GPHN: variants seen among roughly 807,000 people sequenced by gnomAD.
GPHN encodes gephyrin.
In GPHN, 17 loss-of-function variants were observed where a neutral mutation model predicts 95.5. That is an observed-to-expected ratio of 0.18 (90% confidence interval 0.12 to 0.27). GPHN has a LOEUF of 0.27. GPHN is among the 10% of genes least tolerant of loss of function. The pLI is 1.00. For synonymous variants in GPHN, 320 were observed against 322.5 expected (o/e 0.99, Z 0.08); for missense variants, 660 against 978.1 (o/e 0.67, Z 4.34).
chr14:66,938,829 T>C (rs889243479), intron 8 of GPHN, among the ~76,000 whole-genome samples: 2 of 152,198 alleles, frequency 1.3e-5, no homozygotes, highest in Admixed American at 6.5e-5. Context: ...TTAAAATTCT[T>C]TCCACTGGGG....
At chr14:66,590,417 TAAA>T (rs2061590880) in intron 1 of GPHN, among the ~76,000 whole-genome samples, 2 of 151,794 alleles carry the variant, frequency 1.3e-5, no homozygotes, top group African/African-American at 4.8e-5. Context: ...GCCAGACTAA[TAAA>T]GAAGAAAAGA....
the GPHN span, among the ~76,000 whole-genome samples, chr14:67,266,143 C>T: frequency 3.9e-5 from 6 of 151,950 alleles, no homozygotes; most frequent in African/African-American, 9.6e-5. Flanking sequence ...TTGAGTTAAA[C>T]GAGTTCAGTT....
intron 21 of GPHN, 100 bp from the exon 22 acceptor site, chr14:67,179,478 C>G (rs1362524401): frequency 2.7e-6 from 2 of 740,984 alleles, no homozygotes; most frequent in Non-Finnish European, 5.0e-6. Context: ...CAAGGTTAGT[C>G]TCCATGTCCA....
At chr14:67,612,689 C>G in the GPHN span, among the ~76,000 whole-genome samples, 2 of 152,186 alleles carry the variant, frequency 1.3e-5, no homozygotes, top group Non-Finnish European at 2.9e-5. Flanking sequence ...GTAATCCCAG[C>G]ACTTTGGGAG....
chr14:66,840,673 T>C (rs2062037160), intron 4 of GPHN, among the ~76,000 whole-genome samples: 1 of 151,522 alleles, frequency 6.6e-6, no homozygotes, highest in Non-Finnish European at 1.5e-5. Context: ...AATATTATTC[T>C]TCTTTTGATT....
the GPHN span, chr14:67,352,885 T>C: frequency 0.11 from 155,991 of 1,421,266 alleles, 17,278 homozygotes; most frequent in East Asian, 0.47. Flanking sequence ...GCTGGATTTT[T>C]CTAAAATAAA....
chr14:66,646,435 T>C (rs2064747450), intron 1 of GPHN, among the ~76,000 whole-genome samples: 1 of 152,168 alleles, frequency 6.6e-6, no homozygotes, highest in Admixed American at 6.5e-5. Context: ...AAGTTAAAAA[T>C]AGAATTATGA....
At chr14:67,172,775 T>G (rs2140106638) in intron 21 of GPHN, among the ~76,000 whole-genome samples, 1 of 152,230 alleles carries the variant, frequency 6.6e-6, no homozygotes, top group Non-Finnish European at 1.5e-5. Flanking sequence ...AGGGCCCAAA[T>G]GACAGCAGTG....
the GPHN span, chr14:67,346,017 C>G: frequency 3.2e-6 from 2 of 622,198 alleles, no homozygotes; most frequent in Non-Finnish European, 5.7e-6. Context: ...AAGTGCCTAT[C>G]TCACTCCCCA....
In GPHN at chr14:66,607,185, A is replaced by C. The variant is rs527614602; in HGVS notation, c.65-73922A>C. On this transcript the variant is annotated intron_variant, in intron 1 of 22. Transcript: ENST00000478722. ...TGTTGAGGGTTTTTATCATAAAGAG[A>C]TGTTGGATTTTGTAGAAAGCTTTTT... Among the ~76,000 whole-genome samples the C allele has an allele frequency of 2.0e-5, 3 of 152,002 alleles. No individual in the cohort carries two copies. The East Asian group carries it at 5.8e-4, about 29-fold the overall frequency.
the GPHN span, chr14:67,381,745 A>C: frequency 8.3e-7 from 1 of 1,210,050 alleles, no homozygotes; most frequent in Non-Finnish European, 1.2e-6. Flanking sequence ...ACCAAATAGG[A>C]TCTTTGATCT....
chr14:67,108,164 G>A (rs1309384677), intron 13 of GPHN, among the ~76,000 whole-genome samples: 2 of 152,176 alleles, frequency 1.3e-5, no homozygotes, highest in East Asian at 3.8e-4. Flanking sequence ...AAGGAGCAAA[G>A]AAAGACAATG....
the GPHN span, chr14:67,586,114 T>G: frequency 6.2e-7 from 1 of 1,613,264 alleles, no homozygotes; most frequent in Non-Finnish European, 8.5e-7. Flanking sequence ...CTGACAGCTG[T>G]TAAAACGTTC....
intron 4 of GPHN, among the ~76,000 whole-genome samples, chr14:66,831,997 A>T (rs2061598886): frequency 6.6e-6 from 1 of 152,226 alleles, no homozygotes; most frequent in South Asian, 2.1e-4. Context: ...ATACAAAAAA[A>T]TTAGCCAGGC....
intron 4 of GPHN, among the ~76,000 whole-genome samples, chr14:66,875,902 C>T (rs1303205097): frequency 6.6e-6 from 1 of 152,092 alleles, no homozygotes; most frequent in Non-Finnish European, 1.5e-5. Context: ...ACCAAGCAGA[C>T]CTAATAGACA....
intron 9 of GPHN, among the ~76,000 whole-genome samples, chr14:67,018,060 T>G (rs913720524): frequency 6.6e-6 from 1 of 152,122 alleles, no homozygotes; most frequent in Non-Finnish European, 1.5e-5. Flanking sequence ...TCTAAGAACC[T>G]GCAGTCTACT....
chr14:67,014,893 A>G (rs570006887), intron 9 of GPHN, among the ~76,000 whole-genome samples: 40 of 152,322 alleles, frequency 2.6e-4, no homozygotes, highest in African/African-American at 8.9e-4. Flanking sequence ...TGTTGGTACC[A>G]AGAGGAGACC....
intron 9 of GPHN, among the ~76,000 whole-genome samples, chr14:67,017,398 T>G (rs1037169148): frequency 6.6e-6 from 1 of 152,156 alleles, no homozygotes; most frequent in African/African-American, 2.4e-5. Context: ...CTTTTGCTTC[T>G]GTTTCTGGGT....
the GPHN span, among the ~76,000 whole-genome samples, chr14:67,440,751 G>GA: frequency 2.5e-4 from 36 of 146,184 alleles, no homozygotes; most frequent in East Asian, 7.9e-4. Flanking sequence ...GTCTCAGAGT[G>GA]AAAAAAAAAA....
Sources: gnomAD v4.1 joint callset for allele counts (sites outside exome capture counted in the v4.1 genomes callset) on GRCh38, gnomAD v4.1.1 for gene constraint, MANE v1.5 for transcripts, NCBI Gene and HGNC (gene_info 2026-07-23, HGNC 2026-07-21) for gene names.